Variants in SYTL5 observed in about 807,000 individuals in gnomAD.
The protein encoded by SYTL5 is synaptotagmin like 5.
In SYTL5, 34 loss-of-function variants were observed where a neutral mutation model predicts 55.9. The ratio of observed to expected loss-of-function variants is 0.61; its 90% confidence interval spans 0.46 to 0.81. SYTL5 has a LOEUF of 0.81. Among genes scored for constraint, SYTL5 ranks in the 30% least tolerant of loss-of-function variants. SYTL5 has a pLI of 0.00. For synonymous variants in SYTL5, 221 were observed against 188.7 expected, an observed-to-expected ratio of 1.17 and a Z score of -1.40; for missense variants, 637 against 546.7, an observed-to-expected ratio of 1.17 and a Z score of -1.65.
intron 1 of SYTL5, among the ~76,000 whole-genome samples, chrX:38,009,596 C>A (rs1602297662): frequency 9.0e-6 from 1 of 111,573 alleles, no homozygotes; most frequent in African/African-American, 3.3e-5. Context: ...TCTCCCTTTT[C>A]TGTTATTTTT....
At chrX:38,053,319 G>A (rs977780526) in intron 2 of SYTL5, among the ~76,000 whole-genome samples, 99 of 112,627 alleles carry the variant, frequency 8.8e-4, no homozygotes, top group African/African-American at 3.2e-3. Flanking sequence ...TATGTACCAA[G>A]CAGCATGCTG....
chrX:38,015,741 G>T (rs1466573151), intron 1 of SYTL5, among the ~76,000 whole-genome samples: 1 of 109,467 alleles, frequency 9.1e-6, no homozygotes, highest in Non-Finnish European at 1.9e-5. Flanking sequence ...AGTGCGTTTA[G>T]CCATCACCAC....
the SYTL5 span, among the ~76,000 whole-genome samples, chrX:37,910,330 T>C: frequency 8.9e-6 from 1 of 111,923 alleles, no homozygotes; most frequent in Non-Finnish European, 1.9e-5. Context: ...CTTATAAGGA[T>C]GCTGGTCATA....
At chrX:38,116,899 G>C (rs1937503326) in intron 13 of SYTL5, among the ~76,000 whole-genome samples, 1 of 112,388 alleles carries the variant, frequency 8.9e-6, no homozygotes, top group Non-Finnish European at 1.9e-5. Flanking sequence ...TAATTAAACT[G>C]ATGAGTCAGC....
intron 13 of SYTL5, among the ~76,000 whole-genome samples, chrX:38,119,596 A>G (rs1937547188): frequency 8.9e-6 from 1 of 112,487 alleles, no homozygotes; most frequent in African/African-American, 3.2e-5. Context: ...AAGGAAATCC[A>G]TGTGGTTTCC....
chrX:37,981,236 G>A, the SYTL5 span, among the ~76,000 whole-genome samples: 4 of 112,212 alleles, frequency 3.6e-5, no homozygotes, highest in Non-Finnish European at 7.5e-5. Context: ...ACTGTAAGCC[G>A]ACTGCTTTGC....
chrX:37,946,913 C>T, the SYTL5 span: 1 of 111,924 alleles, frequency 8.9e-6, no homozygotes, highest in Non-Finnish European at 1.9e-5. Context: ...CTCTAATTAT[C>T]TTCCTAGTGG....
rs555912744 is a variant in SYTL5 at position 38,063,343 on chromosome X, T to A, written c.330-8704T>A. Among the ~76,000 whole-genome samples, 29 of 112,013 alleles carry A rather than the reference T, an allele frequency of 2.6e-4. No individual in the cohort carries two copies. In the South Asian group the frequency reaches 7.8e-3, roughly 30 times the overall value. On this transcript the variant is annotated intron_variant, in intron 3 of 16. Transcript: ENST00000297875. ...TAGTCCCTTGACATGCTATTTTGCATCAACTATCAATTATATACAAGTGCC... is the reference window on the plus strand; with the variant it reads ...TAGTCCCTTGACATGCTATTTTGCAACAACTATCAATTATATACAAGTGCC...
At chrX:38,078,286 A>T (rs1277068109) in intron 6 of SYTL5, among the ~76,000 whole-genome samples, 3 of 106,392 alleles carry the variant, frequency 2.8e-5, no homozygotes, top group Non-Finnish European at 3.9e-5. Context: ...TTTGAGATGG[A>T]GTCTCGCTCT....
In SYTL5 at chrX:38,040,396, C is replaced by T. The variant is rs183283907; in HGVS notation, c.119+6388C>T. On this transcript the variant is annotated intron_variant, in intron 2 of 16. Transcript: ENST00000297875. ...GTTATTATTGACTATAGTCACCACA[C>T]TGTGCTATCAAATAGTAGGTCTTAT... 9.4e-3 allele frequency among the ~76,000 whole-genome samples: 1,036 copies of T among 110,389 alleles called. 7 individuals carry two copies. The highest frequency in any genetic ancestry group is 0.037 in the Middle Eastern group (8 of 215).
intron 15 of SYTL5, among the ~76,000 whole-genome samples, chrX:38,124,689 A>G (rs903268418): frequency 8.9e-6 from 1 of 111,972 alleles, no homozygotes; most frequent in Non-Finnish European, 1.9e-5. Flanking sequence ...GCAGGTTACC[A>G]CTGTGGGCAA....
At chrX:38,005,555 T>C (rs1222875515), upstream of SYTL5, among the ~76,000 whole-genome samples, 1 of 111,358 alleles carries the variant, frequency 9.0e-6, no homozygotes, top group Non-Finnish European at 1.9e-5. Flanking sequence ...ATGGAAATTT[T>C]AGAGCTTAAA....
chrX:38,095,836 C>A (rs149863655), intron 8 of SYTL5, among the ~76,000 whole-genome samples: 20 of 110,674 alleles, frequency 1.8e-4, no homozygotes, highest in African/African-American at 5.2e-4. Flanking sequence ...AAAGCAGTTG[C>A]CTTAAACAGC....
At chrX:37,895,080 A>G in the SYTL5 span, among the ~76,000 whole-genome samples, 5 of 111,786 alleles carry the variant, frequency 4.5e-5, no homozygotes, top group African/African-American at 1.6e-4. Flanking sequence ...GTCTACATCT[A>G]TGTCTATCAC....
At chrX:37,936,094 A>C in the SYTL5 span, among the ~76,000 whole-genome samples, 2 of 112,384 alleles carry the variant, frequency 1.8e-5, no homozygotes, top group Non-Finnish European at 3.8e-5. Context: ...CAGACAAAAT[A>C]GACTTTAAGA....
At chrX:37,984,245 T>C in the SYTL5 span, among the ~76,000 whole-genome samples, 2 of 111,581 alleles carry the variant, frequency 1.8e-5, no homozygotes, top group African/African-American at 6.5e-5. Flanking sequence ...AACTTTTAGC[T>C]AGATAATAAA....
intron 3 of SYTL5, among the ~76,000 whole-genome samples, chrX:38,064,201 T>A (rs1335829512): frequency 9.0e-6 from 1 of 111,357 alleles, no homozygotes; most frequent in Non-Finnish European, 1.9e-5. Context: ...ATTGTGCATC[T>A]GGGAATGAAA....
At chrX:37,962,694 T>C in the SYTL5 span, among the ~76,000 whole-genome samples, 167 of 112,092 alleles carry the variant, frequency 1.5e-3, no homozygotes, top group African/African-American at 5.2e-3. Flanking sequence ...CTATCAACAG[T>C]GTCAAAGTGT....
chrX:38,037,240 G>T (rs1373068836), intron 2 of SYTL5, among the ~76,000 whole-genome samples: 1 of 111,680 alleles, frequency 9.0e-6, no homozygotes, highest in Admixed American at 9.5e-5. Context: ...AGAGCTTCCC[G>T]TGGGATGATG....
Sources: gnomAD v4.1 joint callset for allele counts (sites outside exome capture counted in the v4.1 genomes callset) on GRCh38, gnomAD v4.1.1 for gene constraint, MANE v1.5 for transcripts, NCBI Gene and HGNC (gene_info 2026-07-23, HGNC 2026-07-21) for gene names.